The following NEBL variants were observed in gnomAD, a reference collection of about 807,000 sequenced individuals.
The protein encoded by NEBL is nebulette.
A neutral mutation model predicts 140.2 loss-of-function variants in NEBL; 122 were observed. That is an observed-to-expected ratio of 0.87 (90% CI 0.75 to 1.01). NEBL has a LOEUF of 1.01. Among genes scored for constraint, NEBL ranks in the 50% least tolerant of loss-of-function variants. The pLI is 0.00. For missense variants in NEBL, 1,365 were observed against 1,231.3 expected (o/e 1.11, Z -1.62); for synonymous variants, 436 against 398.9 (o/e 1.09, Z -1.11).
intron 9 of NEBL, 97 bp downstream of exon 9, chr10:20,858,143 G>T: frequency 2.2e-6 from 2 of 907,510 alleles, no homozygotes; most frequent in Non-Finnish European, 3.6e-6. Context: ...TGAGGCACAG[G>T]CCTTCTAAGG....
At chr10:20,904,516 G>A (rs994662184) in intron 4 of NEBL, among the ~76,000 whole-genome samples, 4 of 152,170 alleles carry the variant, frequency 2.6e-5, no homozygotes, top group Non-Finnish European at 4.4e-5. Flanking sequence ...AGGCATTACT[G>A]GAGAAAGCCC....
intron 9 of NEBL, among the ~76,000 whole-genome samples, chr10:20,856,146 GA>G (rs1843055342): frequency 1.3e-5 from 2 of 152,112 alleles, no homozygotes; most frequent in Non-Finnish European, 2.9e-5. Context: ...TGTCTATGGG[GA>G]AAAAGAAATC....
chr10:21,229,422 G>C (rs182992512), intron 3 of NEBL, among the ~76,000 whole-genome samples: 38 of 152,050 alleles, frequency 2.5e-4, no homozygotes, highest in Non-Finnish European at 3.5e-4. Flanking sequence ...CCCTGTCTCA[G>C]AAAAAAGTGG....
chr10:20,930,236 A>G (rs965328608), intron 4 of NEBL, among the ~76,000 whole-genome samples: 1 of 152,160 alleles, frequency 6.6e-6, no homozygotes, highest in African/African-American at 2.4e-5. Context: ...ATTTACTAGA[A>G]ACAAAATTCT....
At chr10:21,264,097 T>C (rs555480313) in intron 1 of NEBL, among the ~76,000 whole-genome samples, 1 of 152,332 alleles carries the variant, frequency 6.6e-6, no homozygotes, top group South Asian at 2.1e-4. Context: ...GTATTCCTCT[T>C]TTCCAGATCT....
At chr10:20,882,835 C>CCACTGAAAGAGAACTGAAAGAG (rs1846144367) in intron 4 of NEBL, among the ~76,000 whole-genome samples, 2 of 152,088 alleles carry the variant, frequency 1.3e-5, no homozygotes, top group Non-Finnish European at 2.9e-5. Context: ...AAAGAGAACT[C>CCACTGAAAGAGAACTGAAAGAG]AACCTTGGCC....
chr10:20,857,744 G>A (rs553442854), intron 9 of NEBL, among the ~76,000 whole-genome samples: 14 of 152,194 alleles, frequency 9.2e-5, no homozygotes, highest in South Asian at 2.1e-4. Context: ...TGCCTTGACC[G>A]AGAACATGGA....
intron 3 of NEBL, among the ~76,000 whole-genome samples, chr10:21,207,120 C>A (rs1410788520): frequency 2.0e-5 from 3 of 151,854 alleles, no homozygotes; most frequent in African/African-American, 7.3e-5. Flanking sequence ...ATTACACACA[C>A]CCACTACCAC....
At chr10:20,899,939 A>C (rs1233392163), upstream of NEBL, among the ~76,000 whole-genome samples, 2 of 152,138 alleles carry the variant, frequency 1.3e-5, no homozygotes, top group Non-Finnish European at 2.9e-5. Context: ...ATTCATGCAA[A>C]GTTTTCTCTA....
chr10:21,082,761 A>ATTT (rs71392113), intron 2 of NEBL, among the ~76,000 whole-genome samples: 1,949 of 109,460 alleles, frequency 0.018, 134 homozygotes, highest in African/African-American at 0.057. Flanking sequence ...GGAGGGATGC[A>ATTT]TTTTTTTTTT....
intron 3 of NEBL, among the ~76,000 whole-genome samples, chr10:21,196,390 G>A (rs1841652079): frequency 6.7e-6 from 1 of 149,790 alleles, no homozygotes; most frequent in Non-Finnish European, 1.5e-5. Context: ...TGTTGCCCAG[G>A]GTGGAGTACA....
chr10:20,898,890 T>C (rs183163622), upstream of NEBL, among the ~76,000 whole-genome samples: 564 of 152,328 alleles, frequency 3.7e-3, 3 homozygotes, highest in African/African-American at 0.013. Context: ...CATTGCTCTA[T>C]TCTCCTAAAA....
chr10:20,789,886 C>T lies in NEBL; in HGVS notation c.2762-2578G>A, dbSNP rs991810221. ...ATATATACATACACATACACACACA[C>T]ATATATATATGTATAGATATATGTA... On this transcript the variant is annotated intron_variant, in intron 26 of 27. Transcript: ENST00000377122. Among the ~76,000 whole-genome samples the T allele has an allele frequency of 9.6e-4, 143 of 149,370 alleles. 1 individual carries two copies. The highest frequency in any genetic ancestry group is 8.3e-3 in the Admixed American group (123 of 14,878).
At chr10:21,118,736 A>G (rs1838391729) in intron 2 of NEBL, among the ~76,000 whole-genome samples, 1 of 152,174 alleles carries the variant, frequency 6.6e-6, no homozygotes, top group African/African-American at 2.4e-5. Context: ...TCTAAATTAC[A>G]TATGTGCGAA....
At chr10:20,968,878 T>C (rs1327022228) in intron 3 of NEBL, among the ~76,000 whole-genome samples, 5 of 152,236 alleles carry the variant, frequency 3.3e-5, no homozygotes, top group Admixed American at 1.3e-4. Flanking sequence ...CTTAATTTGA[T>C]CTGCAAAATT....
chr10:21,197,877 C>T (rs1162900784), intron 3 of NEBL, among the ~76,000 whole-genome samples: 2 of 152,158 alleles, frequency 1.3e-5, no homozygotes, highest in Non-Finnish European at 2.9e-5. Context: ...ATTTCATCTT[C>T]CTTACCCTGA....
At chr10:20,850,287 G>T in intron 11 of NEBL, 108 bp downstream of exon 11, 1 of 896,018 alleles carries the variant, frequency 1.1e-6, no homozygotes, top group Non-Finnish European at 1.8e-6. Flanking sequence ...CCTTGAATCT[G>T]CCCACAGCAG....
chr10:21,017,183 G>C (rs7079324), intron 3 of NEBL, among the ~76,000 whole-genome samples: 27,329 of 152,008 alleles, frequency 0.18, 3,972 homozygotes, highest in East Asian at 0.54. Flanking sequence ...CCTAAATAGA[G>C]ATAATAATAA....
chr10:21,077,933 A>G (rs1836177962), intron 2 of NEBL, among the ~76,000 whole-genome samples: 3 of 152,170 alleles, frequency 2.0e-5, no homozygotes, highest in Admixed American at 6.5e-5. Context: ...TAGAAAAGCA[A>G]CACTACAAGA....
Sources: allele counts gnomAD v4.1 joint callset (sites outside exome capture counted in the v4.1 genomes callset), GRCh38; gene constraint gnomAD v4.1.1; transcripts MANE v1.5; gene names NCBI Gene and HGNC (gene_info 2026-07-23, HGNC 2026-07-21).